CCDC148: variants seen among roughly 807,000 people sequenced by gnomAD.
CCDC148 encodes the protein coiled-coil domain containing 148.
CCDC148 carries 89 observed loss-of-function variants against 85.7 expected under a neutral mutation model. The observed-to-expected ratio is 1.04, with a 90% CI of 0.87 to 1.24. CCDC148 has a LOEUF of 1.24. Among genes scored for constraint, CCDC148 ranks in the 50% most tolerant of loss-of-function variants. The pLI is 0.00. For missense variants in CCDC148, 692 were observed against 671.7 expected (o/e 1.03, Z -0.33); for synonymous variants, 230 against 213.9 (o/e 1.08, Z -0.66).
chr2:158,283,570 A>T (rs1277817140), intron 9 of CCDC148, among the ~76,000 whole-genome samples: 19 of 152,258 alleles, frequency 1.2e-4, no homozygotes, highest in Non-Finnish European at 5.9e-5. Flanking sequence ...TCAAAACTAC[A>T]ATGAGATACT....
At chr2:158,203,516 A>T (rs1379812455) in intron 11 of CCDC148, among the ~76,000 whole-genome samples, 1 of 152,170 alleles carries the variant, frequency 6.6e-6, no homozygotes, top group Non-Finnish European at 1.5e-5. Context: ...AAAAGAACTC[A>T]CAAAACAAAG....
At chr2:158,345,767 C>A (rs2105249688) in intron 2 of CCDC148, among the ~76,000 whole-genome samples, 1 of 152,176 alleles carries the variant, frequency 6.6e-6, no homozygotes, top group Non-Finnish European at 1.5e-5. Flanking sequence ...TTATAAAGCT[C>A]ATAAATATCA....
intron 9 of CCDC148, among the ~76,000 whole-genome samples, chr2:158,252,458 C>T (rs1246972890): frequency 6.6e-6 from 1 of 151,638 alleles, no homozygotes; most frequent in African/African-American, 2.4e-5. Context: ...TTCCATCTTT[C>T]ACTTGCTACA....
chr2:158,353,420 T>G (rs1457887104), intron 2 of CCDC148, among the ~76,000 whole-genome samples: 1 of 150,708 alleles, frequency 6.6e-6, no homozygotes, highest in Non-Finnish European at 1.5e-5. Context: ...AGGCAGGGGT[T>G]GCAATACTAG....
In CCDC148 at chr2:158,222,347, C is replaced by G. The variant is rs553927722; in HGVS notation, c.1252-1634G>C. 4.6e-5 allele frequency among the ~76,000 whole-genome samples: 7 copies of G among 152,224 alleles called. No individual in the cohort carries two copies. The East Asian group carries it at 1.2e-3, about 25-fold the overall frequency. On this transcript the variant is annotated intron_variant, in intron 10 of 13. Coordinates refer to ENST00000283233, the MANE Select transcript of CCDC148 (RefSeq NM_138803.4). Reference sequence around the variant, plus strand: ...CTTGATACACTGTCCTGTGCAGGCCCCAGGCGTATGTTATACCTGGAGCTT... The same window carrying G: ...CTTGATACACTGTCCTGTGCAGGCCGCAGGCGTATGTTATACCTGGAGCTT...
At chr2:158,428,465 A>G (rs1687176524) in intron 1 of CCDC148, among the ~76,000 whole-genome samples, 1 of 151,998 alleles carries the variant, frequency 6.6e-6, no homozygotes, top group African/African-American at 2.4e-5. Context: ...AGGGAAGGTG[A>G]GAAGATAGCA....
chr2:158,213,614 T>C (rs144341090), intron 11 of CCDC148, among the ~76,000 whole-genome samples: 27 of 152,322 alleles, frequency 1.8e-4, no homozygotes, highest in Non-Finnish European at 3.5e-4. Flanking sequence ...GTCTAATTTC[T>C]GCTTGCATGC....
At position 158,296,419 on chromosome 2, in the gene CCDC148, A is replaced by G. The variant is rs573509406; in HGVS notation, c.1110+13014T>C. On this transcript the variant is annotated intron_variant, in intron 9 of 13. Transcript: ENST00000283233. ...ATTTCTGGACTCTCTATTCTGTTCC[A>G]CTAGACATGTTTACATTTTTTTAAT... Among the ~76,000 whole-genome samples, 5 of 152,292 alleles carry G rather than the reference A, an allele frequency of 3.3e-5. No homozygotes were observed. In the South Asian group the frequency reaches 1.0e-3, roughly 32 times the overall value.
chr2:158,362,449 G>T (rs1390623578), intron 1 of CCDC148, among the ~76,000 whole-genome samples: 1 of 152,050 alleles, frequency 6.6e-6, no homozygotes, highest in Non-Finnish European at 1.5e-5. Context: ...AAATGCAAAA[G>T]AATGGATATT....
At chr2:158,362,368 C>T (rs991597289) in intron 1 of CCDC148, among the ~76,000 whole-genome samples, 1 of 152,214 alleles carries the variant, frequency 6.6e-6, no homozygotes, top group Non-Finnish European at 1.5e-5. Context: ...ACAGAATATA[C>T]ATTCTTCTCA....
chr2:158,448,182 T>G (rs1353373962), intron 1 of CCDC148, among the ~76,000 whole-genome samples: 1 of 152,156 alleles, frequency 6.6e-6, no homozygotes, highest in Non-Finnish European at 1.5e-5. Flanking sequence ...ACCAACTGAT[T>G]GTAAATATAT....
intron 1 of CCDC148, among the ~76,000 whole-genome samples, chr2:158,382,672 A>G (rs1211945884): frequency 2.6e-5 from 4 of 152,130 alleles, no homozygotes; most frequent in Admixed American, 6.6e-5. Context: ...GTACTTTGGG[A>G]GGCCAAGGCA....
chr2:158,447,223 A>G (rs1400269127), intron 1 of CCDC148: 1 of 152,106 alleles, frequency 6.6e-6, no homozygotes, highest in African/African-American at 2.4e-5. Context: ...GATATGTGCA[A>G]TCCCACTACT....
At position 158,172,213 on chromosome 2, in the gene CCDC148, G is replaced by C; in HGVS notation, c.1676C>G (p.Ala559Gly). The C allele has an allele frequency of 6.2e-7, 1 of 1,608,760 alleles. No homozygotes were observed. The highest frequency in any genetic ancestry group is 8.5e-7 in the Non-Finnish European group (1 of 1,177,434). ...RLRFELALRE[A>G]GLHRTLYAKE... ...AGCATAAAGTGTTCTATGAAGTCCA[G>C]CTTCTCGAAGTGCTAACTCGAAGCG... The change falls in exon 14 of 14, where the codon GCT becomes GGT. Residue 559 changes from alanine (A) to glycine (G), a missense_variant. By Grantham distance (60) the Ala-to-Gly change is moderately conservative (BLOSUM62 0). Transcript: ENST00000283233.
chr2:158,207,011 G>A (rs533064556), intron 11 of CCDC148, among the ~76,000 whole-genome samples: 10 of 152,102 alleles, frequency 6.6e-5, no homozygotes, highest in Non-Finnish European at 1.3e-4. Flanking sequence ...TACCCCAAAG[G>A]AATCAGCCAA....
At chr2:158,443,124 G>C (rs1688004991) in intron 1 of CCDC148, among the ~76,000 whole-genome samples, 3 of 151,896 alleles carry the variant, frequency 2.0e-5, no homozygotes, top group African/African-American at 7.3e-5. Flanking sequence ...GGACAGGAAG[G>C]CAAGATATAA....
rs1200781591 is a variant in CCDC148, at chr2:158,240,448, TCTCTCACACA to T, written c.1251+10314_1251+10323del. ...ATCACTCTCTCTTTCTCTCTCTCTC[TCTCTCACACA>T]CACACACACACACACACACACACAC... On this transcript the variant is annotated intron_variant, in intron 10 of 13. Transcript: ENST00000283233. 3.8e-4 allele frequency among the ~76,000 whole-genome samples: 18 copies of T among 47,798 alleles called. 1 individual carries two copies. In the South Asian group the frequency reaches 7.0e-3, roughly 19 times the overall value. The allele number at this position is 47,798 out of a possible 152,430, so 31.4% of individuals were successfully genotyped here.
At chr2:158,425,956 C>A (rs975192652) in intron 1 of CCDC148, among the ~76,000 whole-genome samples, 15 of 152,044 alleles carry the variant, frequency 9.9e-5, no homozygotes, top group Admixed American at 7.2e-4. Context: ...TTGTTCTTGT[C>A]TCTGGAAAGC....
intron 10 of CCDC148, chr2:158,235,690 T>C (rs1688070840): frequency 6.6e-6 from 1 of 152,240 alleles, no homozygotes; most frequent in South Asian, 2.1e-4. Flanking sequence ...TCTCATCTTT[T>C]ATTCTTTTAC....
Sources: allele counts gnomAD v4.1 joint callset (sites outside exome capture counted in the v4.1 genomes callset), GRCh38; gene constraint gnomAD v4.1.1; transcripts MANE v1.5; gene names NCBI Gene and HGNC (gene_info 2026-07-23, HGNC 2026-07-21).